The following PXK variants were observed in gnomAD, a reference collection of about 807,000 sequenced individuals.
PXK encodes PX domain-containing protein kinase-like protein.
PXK carries 35 observed loss-of-function variants against 84.7 expected under a neutral mutation model. The observed-to-expected ratio is 0.41, with a 90% CI of 0.32 to 0.55. The LOEUF (loss-of-function observed/expected upper bound fraction) is 0.55, where lower values mean the gene tolerates loss of function less well. Among genes scored for constraint, PXK ranks in the 20% least tolerant of loss-of-function variants. The pLI is 0.21. For synonymous variants in PXK, 253 were observed against 260.8 expected, an observed-to-expected ratio of 0.97 and a Z score of 0.29; for missense variants, 634 against 699.7, an observed-to-expected ratio of 0.91 and a Z score of 1.06.
chr3:58,336,689 G>A (rs948830892), intron 1 of PXK, among the ~76,000 whole-genome samples: 1 of 152,214 alleles, frequency 6.6e-6, no homozygotes, highest in Admixed American at 6.5e-5. Flanking sequence ...CTAAAAAAAT[G>A]CTTACATAGC....
In PXK at chr3:58,351,395, TTGTGTGTGTG is replaced by T. The variant is rs57349140; in HGVS notation, c.103-14449_103-14440del. ...GGTGTGCGCCACCACAGCTAGCTAT[TTGTGTGTGTG>T]TGTGTGTGTGTGTGTGTGTGTGTGT... On this transcript the variant is annotated intron_variant, in intron 1 of 17. Coordinates refer to ENST00000356151, the MANE Select transcript of PXK (RefSeq NM_017771.5). 2.3e-3 allele frequency among the ~76,000 whole-genome samples: 322 copies of T among 140,670 alleles called. 1 individual carries two copies. Among genetic ancestry groups the T allele is most frequent in the South Asian group, 2.9e-3 (12 of 4,206 alleles). The allele number at this position is 140,670 out of a possible 152,430, so 92.3% of individuals were successfully genotyped here. A position where few individuals can be genotyped will look rare whatever the true frequency, so the allele number is the denominator to read the frequency against.
At chr3:58,422,456 C>T (rs373561727) in intron 17 of PXK, 109 of 985,322 alleles carry the variant, frequency 1.1e-4, no homozygotes, top group African/African-American at 2.4e-4. Flanking sequence ...CCTGTCCTTT[C>T]GTTCCATCTG....
intron 1 of PXK, among the ~76,000 whole-genome samples, chr3:58,350,058 C>G (rs1271449600): frequency 6.6e-6 from 1 of 152,174 alleles, no homozygotes; most frequent in African/African-American, 2.4e-5. Flanking sequence ...AGCAAAACAG[C>G]TTTGTGGAGG....
Position 58,385,818 on chromosome 3 carries a change from G to A in PXK, c.388+3118G>A, listed in dbSNP as rs996499600. Among the ~76,000 whole-genome samples the A allele has an allele frequency of 3.9e-5, 6 of 152,046 alleles. No individual in the cohort carries two copies. Among genetic ancestry groups the A allele is most frequent in the Admixed American group, 6.5e-5 (1 of 15,272 alleles). The stretch of plus-strand genomic sequence containing the variant: ...CTGGCCCACTTTTCCCTTTTAATGT[G>A]GATAATGTCTCCACCTCTTCTCATT... On this transcript the variant is annotated intron_variant, in intron 4 of 17. Transcript: ENST00000356151. This position sits in a 1 kb window ranked among gnomAD's most constrained non-coding sequence, Gnocchi z 5.1.
At chr3:58,346,079 C>T (rs2097811225) in intron 1 of PXK, among the ~76,000 whole-genome samples, 1 of 152,218 alleles carries the variant, frequency 6.6e-6, no homozygotes, top group South Asian at 2.1e-4. Flanking sequence ...CTAAGCAAGA[C>T]AGACTTGGTT....
intron 1 of PXK, among the ~76,000 whole-genome samples, chr3:58,343,613 C>T (rs528615587): frequency 3.9e-5 from 6 of 152,342 alleles, no homozygotes; most frequent in African/African-American, 1.4e-4. Flanking sequence ...TCTTCCCACT[C>T]TGTAGATGGT....
Position 58,333,376 on chromosome 3 carries a change from G to T in PXK, c.102+286G>T, listed in dbSNP as rs2097530530. ...CAGGAAAGCGACTCCGAGTTGGGGGGCGGGGGCGGGGGCTGCGGGATTCCC... is the reference window on the plus strand; with the variant it reads ...CAGGAAAGCGACTCCGAGTTGGGGGTCGGGGGCGGGGGCTGCGGGATTCCC... On this transcript the variant is annotated intron_variant, in intron 1 of 17. Transcript: ENST00000356151. The surrounding 1 kb of genome is among the most constrained non-coding windows in gnomAD (Gnocchi z 5.4). 3.4e-6 allele frequency: 1 copy of T among 295,658 alleles called. No homozygotes were observed. Among genetic ancestry groups the T allele is most frequent in the Non-Finnish European group, 7.0e-6 (1 of 143,856 alleles). 18.3% of individuals were successfully genotyped at this position (295,658 alleles called of 1,614,324 possible).
chr3:58,424,271 G>GT (rs1227072962), intron 17 of PXK, among the ~76,000 whole-genome samples: 2 of 152,156 alleles, frequency 1.3e-5, no homozygotes. Flanking sequence ...CAAACATTGT[G>GT]TATGTTGGAG....
At position 58,374,344 on chromosome 3, in the gene PXK, TG is replaced by T. The variant is rs1180132366; in HGVS notation, c.201+4867del. On this transcript the variant is annotated intron_variant, in intron 3 of 17. Transcript: ENST00000356151. ...CACCATCATGCCTGGCTAATTTTTT[TG>T]TATCTTCAGTAGAGATGGGGGTTTC... 1.1e-4 allele frequency among the ~76,000 whole-genome samples: 16 copies of T among 152,086 alleles called. 1 individual carries two copies. The South Asian group carries it at 2.7e-3, about 26-fold the overall frequency.
In PXK at chr3:58,388,243, T is replaced by TAC. The variant is rs1403025183; in HGVS notation, c.389-2339_389-2338insAC. On this transcript the variant is annotated intron_variant, in intron 4 of 17. Transcript: ENST00000356151. ...AAAAAGCTATTTCACAGTCCTCAGT[T>TAC]TATCAGTGAGAAATCCAGTATGTTC... Among the ~76,000 whole-genome samples, 106 of 152,308 alleles carry TAC rather than the reference T, an allele frequency of 7.0e-4. 1 individual carries two copies. Among genetic ancestry groups the TAC allele is most frequent in the African/African-American group, 2.3e-3 (94 of 41,566 alleles).
chr3:58,403,335 T>G (rs1291629320), intron 12 of PXK, among the ~76,000 whole-genome samples: 1 of 152,092 alleles, frequency 6.6e-6, no homozygotes, highest in Non-Finnish European at 1.5e-5. Flanking sequence ...GAGAATTGAT[T>G]TACTCCAAAA....
At chr3:58,346,226 G>C (rs554168046) in intron 1 of PXK, among the ~76,000 whole-genome samples, 3 of 152,156 alleles carry the variant, frequency 2.0e-5, no homozygotes, top group South Asian at 2.1e-4. Flanking sequence ...ACAACAGTGA[G>C]GGGGGGTTTG....
intron 7 of PXK, 60 bp downstream of exon 7, chr3:58,391,907 G>T: frequency 6.9e-7 from 1 of 1,455,518 alleles, no homozygotes; most frequent in South Asian, 1.2e-5. Flanking sequence ...TATTTTTTCT[G>T]GGTGAACATG....
Position 58,390,769 on chromosome 3 carries a change from T to G in PXK, c.466+110T>G. ...AACATGCTTAAATGCAGGTGACTTC[T>G]TTTTCTTTTTGCATATCAACTGCTT... On this transcript the variant is annotated intron_variant, in intron 5 of 17. Coordinates refer to ENST00000356151, the MANE Select transcript of PXK (RefSeq NM_017771.5). This position sits in a 1 kb window ranked among gnomAD's most constrained non-coding sequence, Gnocchi z 4.2. The G allele has an allele frequency of 7.7e-6, 8 of 1,032,608 alleles. No homozygotes were observed. In the South Asian group the frequency reaches 1.4e-4, roughly 18 times the overall value. 64.0% of individuals were successfully genotyped at this position (1,032,608 alleles called of 1,614,324 possible). A position where few individuals can be genotyped will look rare whatever the true frequency, so the allele number is the denominator to read the frequency against.
chr3:58,353,900 T>C (rs1223619672), intron 1 of PXK, among the ~76,000 whole-genome samples: 1 of 152,200 alleles, frequency 6.6e-6, no homozygotes, highest in African/African-American at 2.4e-5. Context: ...GGAATTTGGA[T>C]TTACCCTGTG....
Position 58,390,545 on chromosome 3 carries a change from T to C in PXK, c.389-37T>C. 6.5e-7 allele frequency: 1 copy of C among 1,539,910 alleles called. No individual in the cohort carries two copies. Among genetic ancestry groups the C allele is most frequent in the Non-Finnish European group, 9.0e-7 (1 of 1,115,756 alleles). On this transcript the variant is annotated intron_variant, in intron 4 of 17. Transcript: ENST00000356151. The surrounding 1 kb of genome is among the most constrained non-coding windows in gnomAD (Gnocchi z 4.2). ...TCTTCAGCATATGGCCCTTTCCTGATATGTCTGACTAATGGGTTTCTAAAA... is the reference window on the plus strand; with the variant it reads ...TCTTCAGCATATGGCCCTTTCCTGACATGTCTGACTAATGGGTTTCTAAAA...
chr3:58,332,987 G>T lies in PXK; in HGVS notation c.-2G>T, dbSNP rs1207438684. On this transcript the variant is annotated 5_prime_UTR_variant, in exon 1 of 18. Coordinates refer to ENST00000356151, the MANE Select transcript of PXK (RefSeq NM_017771.5). This position sits in a 1 kb window ranked among gnomAD's most constrained non-coding sequence, Gnocchi z 5.6. ...TAGGCGGCGGCGGCCGGGCGTCCCG[G>T]GATGGCCTTCATGGAGAAGCCGCCA... 1.5e-6 allele frequency: 2 copies of T among 1,366,792 alleles called. No individual in the cohort carries two copies. The highest frequency in any genetic ancestry group is 1.9e-6 in the Non-Finnish European group (2 of 1,047,424). The allele number at this position is 1,366,792 out of a possible 1,614,324, so 84.7% of individuals were successfully genotyped here. A position where few individuals can be genotyped will look rare whatever the true frequency, so the allele number is the denominator to read the frequency against.
rs1292770245 is a variant in PXK, at chr3:58,399,811, C to T, written c.1181+434C>T. 6.6e-6 allele frequency among the ~76,000 whole-genome samples: 1 copy of T among 152,010 alleles called. No homozygotes were observed. The highest frequency in any genetic ancestry group is 1.5e-5 in the Non-Finnish European group (1 of 68,022). On this transcript the variant is annotated intron_variant, in intron 12 of 17. Coordinates refer to ENST00000356151, the MANE Select transcript of PXK (RefSeq NM_017771.5). The surrounding 1 kb of genome is among the most constrained non-coding windows in gnomAD (Gnocchi z 4.3). ...AAGGGTCTGCCCTCCAGGAAGAGGG[C>T]AACGTGTTTCTGAGCACCCATGCTT... is the stretch of plus-strand genomic sequence containing the variant.
intron 1 of PXK, among the ~76,000 whole-genome samples, chr3:58,344,640 A>G (rs1286888089): frequency 1.3e-5 from 2 of 152,236 alleles, no homozygotes; most frequent in Non-Finnish European, 2.9e-5. Flanking sequence ...CCTGGCCAAC[A>G]TGGTGAAACC....
Sources: allele counts gnomAD v4.1 joint callset (sites outside exome capture counted in the v4.1 genomes callset), GRCh38; gene constraint gnomAD v4.1.1; non-coding constraint Gnocchi (gnomAD v3.1); transcripts MANE v1.5; gene names NCBI Gene and HGNC (gene_info 2026-07-23, HGNC 2026-07-21).